SLC38A4: variants seen among roughly 807,000 people sequenced by gnomAD.
SLC38A4 encodes solute carrier family 38 member 4, also known as sodium-coupled neutral amino acid transporter 4.
Under a neutral mutation model 63.1 loss-of-function variants are expected in SLC38A4, and 20 were observed. The ratio of observed to expected loss-of-function variants is 0.32; its 90% CI spans 0.22 to 0.46. The LOEUF (loss-of-function observed/expected upper bound fraction) is 0.46. Among genes scored for constraint, SLC38A4 ranks in the 20% least tolerant of loss-of-function variants. The probability of loss-of-function intolerance (pLI) is 1.00; values close to 1 mark genes in which losing one functional copy is unlikely to be tolerated. For missense variants in SLC38A4, 526 were observed against 663.6 expected, an observed-to-expected ratio of 0.79 and a Z score of 2.28; for synonymous variants, 230 against 225.5, an observed-to-expected ratio of 1.02 and a Z score of -0.18.
chr12:46,786,483 C>A (rs562997723), intron 5 of SLC38A4, among the ~76,000 whole-genome samples: 36 of 152,146 alleles, frequency 2.4e-4, no homozygotes, highest in South Asian at 8.3e-4. Context: ...TGAAGATGAT[C>A]TATGACTGTG....
At chr12:46,813,744 G>C (rs1384926180) in intron 1 of SLC38A4, among the ~76,000 whole-genome samples, 1 of 151,984 alleles carries the variant, frequency 6.6e-6, no homozygotes, top group African/African-American at 2.4e-5. Context: ...TATCCTGTCT[G>C]ACTTTGGGCA....
intron 1 of SLC38A4, among the ~76,000 whole-genome samples, chr12:46,822,448 G>A (rs1035043905): frequency 5.3e-5 from 8 of 152,110 alleles, no homozygotes; most frequent in African/African-American, 1.9e-4. Flanking sequence ...TTAGGGTTGA[G>A]AGACAACTTA....
chr12:46,788,156 G>T, intron 4 of SLC38A4, 125 bp from the exon 5 acceptor site: 1 of 660,862 alleles, frequency 1.5e-6, no homozygotes, highest in Non-Finnish European at 2.6e-6. Flanking sequence ...AACATTACAG[G>T]AGTAAAGCCA....
At chr12:46,797,787 T>A (rs993412467) in intron 2 of SLC38A4, among the ~76,000 whole-genome samples, 8 of 152,100 alleles carry the variant, frequency 5.3e-5, no homozygotes, top group African/African-American at 1.9e-4. Flanking sequence ...CTAAATGTCA[T>A]CTATATATCT....
At chr12:46,788,420 T>G (rs1020885341) in intron 4 of SLC38A4, 108 bp downstream of exon 4, 4 of 842,522 alleles carry the variant, frequency 4.7e-6, no homozygotes, top group Non-Finnish European at 5.8e-6. Flanking sequence ...ACACAGAATG[T>G]GCTGATCAAG....
chr12:46,820,580 A>G (rs1015278296), intron 1 of SLC38A4, among the ~76,000 whole-genome samples: 14 of 152,024 alleles, frequency 9.2e-5, no homozygotes, highest in East Asian at 3.9e-4. Flanking sequence ...TCATCTGTCC[A>G]TGGACATTTG....
At chr12:46,808,563 T>C (rs1939280852) in intron 1 of SLC38A4, among the ~76,000 whole-genome samples, 2 of 151,944 alleles carry the variant, frequency 1.3e-5, no homozygotes, top group Admixed American at 6.6e-5. Flanking sequence ...ATGATGTCTA[T>C]ATTTTGCCTC....
chr12:46,792,851 A>C (rs796143735), intron 3 of SLC38A4, 102 bp downstream of exon 3: 15 of 800,058 alleles, frequency 1.9e-5, no homozygotes, highest in African/African-American at 1.9e-4. Context: ...GTTATCACAA[A>C]TTTACCTGTA....
chr12:46,765,630 G>GC lies in SLC38A4; in HGVS notation c.*1070dup. The GC allele has an allele frequency of 5.6e-6, 1 of 178,112 alleles. No individual in the cohort carries two copies. Among genetic ancestry groups the GC allele is most frequent in the Non-Finnish European group, 1.2e-5 (1 of 82,382 alleles). The allele number at this position is 178,112 out of a possible 1,614,324, so 11.0% of individuals were successfully genotyped here. A position where few individuals can be genotyped will look rare whatever the true frequency, so the allele number is the denominator to read the frequency against. On this transcript the variant is annotated 3_prime_UTR_variant, in exon 17 of 17. Coordinates refer to ENST00000266579, the MANE Select transcript of SLC38A4 (RefSeq NM_018018.5). ...TTCGAGCCCACCAACTTAATTCCCT[G>GC]CCCCCACCCCCAATAATATAAATGC...
chr12:46,802,994 T>C (rs1326149272), intron 2 of SLC38A4, among the ~76,000 whole-genome samples: 2 of 152,032 alleles, frequency 1.3e-5, no homozygotes, highest in Non-Finnish European at 2.9e-5. Context: ...CTAGTTTCTT[T>C]TAGTAACTTT....
chr12:46,800,778 T>C (rs1341365737), intron 2 of SLC38A4, among the ~76,000 whole-genome samples: 1 of 152,156 alleles, frequency 6.6e-6, no homozygotes, highest in Non-Finnish European at 1.5e-5. Context: ...TCTAGCACAG[T>C]GCCTAGTGTT....
At chr12:46,821,552 T>C (rs1939551375) in intron 1 of SLC38A4, among the ~76,000 whole-genome samples, 1 of 152,078 alleles carries the variant, frequency 6.6e-6, no homozygotes, top group African/African-American at 2.4e-5. Context: ...ACAGCTTTTG[T>C]TGTCTTGTTT....
At chr12:46,797,223 A>T (rs1187964822) in intron 2 of SLC38A4, among the ~76,000 whole-genome samples, 1 of 152,074 alleles carries the variant, frequency 6.6e-6, no homozygotes, top group African/African-American at 2.4e-5. Flanking sequence ...AGCAAGTAAA[A>T]CTTTATTTTG....
chr12:46,810,992 C>T (rs1592193571), intron 1 of SLC38A4, among the ~76,000 whole-genome samples: 2 of 151,908 alleles, frequency 1.3e-5, no homozygotes, highest in Admixed American at 6.6e-5. Flanking sequence ...GTTTTTTCCC[C>T]ATCTGCAAGA....
At chr12:46,819,880 A>T (rs1296893013) in intron 1 of SLC38A4, among the ~76,000 whole-genome samples, 1 of 151,974 alleles carries the variant, frequency 6.6e-6, no homozygotes, top group Non-Finnish European at 1.5e-5. Flanking sequence ...AACCAGAAGT[A>T]TTAATTAACT....
At chr12:46,808,371 A>G (rs1009713460) in intron 1 of SLC38A4, among the ~76,000 whole-genome samples, 9 of 152,008 alleles carry the variant, frequency 5.9e-5, no homozygotes, top group African/African-American at 2.2e-4. Context: ...TCAGTTATAT[A>G]ATGGAGCATT....
intron 1 of SLC38A4, among the ~76,000 whole-genome samples, chr12:46,811,677 A>T (rs976851755): frequency 5.3e-5 from 8 of 152,050 alleles, no homozygotes; most frequent in African/African-American, 1.9e-4. Context: ...AGAAATTGTG[A>T]TAATAAAGGT....
chr12:46,780,100 T>G, intron 7 of SLC38A4, 70 bp from the exon 8 acceptor site: 1 of 1,191,886 alleles, frequency 8.4e-7, no homozygotes. Flanking sequence ...AGTTATGACA[T>G]TTGGGATATG....
At chr12:46,814,822 C>T (rs1939406810) in intron 1 of SLC38A4, among the ~76,000 whole-genome samples, 2 of 151,852 alleles carry the variant, frequency 1.3e-5, no homozygotes, top group African/African-American at 2.4e-5. Context: ...ATCTTTACAT[C>T]TCTTAAATTC....
Sources: gnomAD v4.1 joint callset for allele counts (sites outside exome capture counted in the v4.1 genomes callset) on GRCh38, gnomAD v4.1.1 for gene constraint, MANE v1.5 for transcripts, NCBI Gene and HGNC (gene_info 2026-07-23, HGNC 2026-07-21) for gene names.